Variants in GRK4 observed in about 807,000 individuals in gnomAD.
The protein encoded by GRK4 is G protein-coupled receptor kinase 2-like.
In GRK4, 73 loss-of-function variants were observed where a neutral mutation model predicts 77.9. The ratio of observed to expected loss-of-function variants is 0.94; its 90% CI spans 0.78 to 1.14. The LOEUF (loss-of-function observed/expected upper bound fraction) is 1.14, where lower values mean the gene tolerates loss of function less well. GRK4 is among the 50% of genes most tolerant of loss of function. The probability of loss-of-function intolerance (pLI) is 0.00; values close to 1 mark genes in which losing one functional copy is unlikely to be tolerated. For missense variants in GRK4, 729 were observed against 700.2 expected (o/e 1.04, Z -0.46); for synonymous variants, 257 against 254.4 (o/e 1.01, Z -0.10).
At chr4:3,011,283 A>G (rs1732838016) in intron 7 of GRK4, among the ~76,000 whole-genome samples, 1 of 152,144 alleles carries the variant, frequency 6.6e-6, no homozygotes, top group Non-Finnish European at 1.5e-5. Flanking sequence ...AATTTTAGCT[A>G]TTGTGAAAGA....
intron 1 of GRK4, among the ~76,000 whole-genome samples, chr4:2,981,018 C>T (rs373943034): frequency 7.9e-5 from 12 of 152,374 alleles, no homozygotes; most frequent in South Asian, 4.1e-4. Flanking sequence ...CAGGCACAGG[C>T]GCTGGTTACC....
chr4:3,005,694 C>T (rs903237206), intron 5 of GRK4, among the ~76,000 whole-genome samples: 3 of 152,052 alleles, frequency 2.0e-5, no homozygotes, highest in African/African-American at 7.2e-5. Context: ...ATCCCAGCTA[C>T]TCAGGAGGCT....
At chr4:3,001,059 A>G (rs1729412033) in intron 4 of GRK4, among the ~76,000 whole-genome samples, 1 of 146,454 alleles carries the variant, frequency 6.8e-6, no homozygotes, top group Non-Finnish European at 1.5e-5. Context: ...TGGTGGTTGT[A>G]GGGCTAAATG....
intron 4 of GRK4, among the ~76,000 whole-genome samples, chr4:2,994,684 G>T (rs899768011): frequency 3.3e-5 from 5 of 152,164 alleles, no homozygotes; most frequent in African/African-American, 7.2e-5. Context: ...TGTGGAAGAG[G>T]AGGGAAGGGG....
At chr4:3,006,305 A>G (rs1158692309) in intron 5 of GRK4, among the ~76,000 whole-genome samples, 1 of 150,604 alleles carries the variant, frequency 6.6e-6, no homozygotes, top group Non-Finnish European at 1.5e-5. Context: ...GCCTGAACCC[A>G]GGAGGTGGAG....
intron 7 of GRK4, among the ~76,000 whole-genome samples, chr4:3,010,546 G>C (rs1284690379): frequency 1.3e-5 from 2 of 152,102 alleles, no homozygotes; most frequent in African/African-American, 4.8e-5. Context: ...GTTTAAATAT[G>C]ATGGGTCTCC....
Position 2,988,730 on chromosome 4 carries a change from A to G in GRK4, c.152A>G (p.Lys51Arg), listed in dbSNP as rs774435006. 2 of 1,582,244 alleles carry G rather than the reference A, an allele frequency of 1.3e-6. No homozygotes were observed. Among genetic ancestry groups the G allele is most frequent in the Admixed American group, 1.7e-5 (1 of 59,968 alleles). Residue 51 changes from lysine (K) to arginine (R), a missense_variant, in exon 3 of 16, where the codon AAG (lysine) becomes AGG (arginine). Transcript: ENST00000398052. The part of the protein sequence containing the change: ...QCSELRHSIE[K>R]DYSSLCDKQP... ...CTTATCCCTTTGCTTCACCCAGAAA[A>G]GGATTATAGCAGTCTTTGTGACAAG...
At chr4:3,027,803 C>A in intron 10 of GRK4, 109 bp from the exon 11 acceptor site, 1 of 806,978 alleles carries the variant, frequency 1.2e-6, no homozygotes. Flanking sequence ...GTATGAAATG[C>A]TATTATTTCC....
At chr4:2,965,360 A>G (rs770021989) in intron 1 of GRK4, 2 of 703,006 alleles carry the variant, frequency 2.8e-6, no homozygotes, top group South Asian at 3.0e-5. Context: ...GCGTCTCAAG[A>G]GAGCTGGCGA....
At chr4:3,037,331 TG>T (rs1560513246) in intron 13 of GRK4, 42 bp from the exon 14 acceptor site, 1 of 1,540,376 alleles carries the variant, frequency 6.5e-7, no homozygotes, top group Admixed American at 1.7e-5. Flanking sequence ...AGCTGAGAAT[TG>T]CTGTAGTCAT....
At chr4:3,039,061 C>T (rs951844554) in intron 15 of GRK4, among the ~76,000 whole-genome samples, 1 of 151,914 alleles carries the variant, frequency 6.6e-6, no homozygotes. Flanking sequence ...ACTAAAAATA[C>T]AAAACTTAGC....
chr4:2,981,619 G>A (rs1722894987), intron 1 of GRK4, among the ~76,000 whole-genome samples: 1 of 152,220 alleles, frequency 6.6e-6, no homozygotes, highest in East Asian at 1.9e-4. Context: ...CTGAGTCTGG[G>A]GTTTTTATAA....
chr4:3,036,366 C>T (rs1740642157), intron 13 of GRK4, among the ~76,000 whole-genome samples: 1 of 152,234 alleles, frequency 6.6e-6, no homozygotes, highest in Admixed American at 6.5e-5. Flanking sequence ...GGTCCACTTC[C>T]GCCTCCCCAC....
intron 6 of GRK4, among the ~76,000 whole-genome samples, chr4:3,009,096 T>C (rs1290694379): frequency 6.6e-6 from 1 of 152,176 alleles, no homozygotes; most frequent in African/African-American, 2.4e-5. Flanking sequence ...ATAATTAGAC[T>C]GTTCTGCCTT....
At chr4:3,031,524 G>A (rs1365778975) in intron 12 of GRK4, among the ~76,000 whole-genome samples, 4 of 152,174 alleles carry the variant, frequency 2.6e-5, no homozygotes, top group Non-Finnish European at 4.4e-5. Flanking sequence ...GAGAGAGGCC[G>A]GGGAGCTGGG....
chr4:3,013,719 A>G lies in GRK4; in HGVS notation c.632A>G (p.Lys211Arg). 3 of 1,613,510 alleles carry G rather than the reference A, an allele frequency of 1.9e-6. No individual in the cohort carries two copies. Among genetic ancestry groups the G allele is most frequent in the Non-Finnish European group, 1.7e-6 (2 of 1,179,806 alleles). ...GCCTGTCAAGTGCGAGCCACAGGAAAAATGTATGCCTGCAAAAAGCTACAA... is the reference window on the plus strand; with the variant it reads ...GCCTGTCAAGTGCGAGCCACAGGAAGAATGTATGCCTGCAAAAAGCTACAA... The part of the protein sequence containing the change: ...VCACQVRATG[K>R]MYACKKLQKK... The change falls in exon 8 of 16, where the codon AAA (lysine) becomes AGA (arginine). Residue 211 changes from lysine (K) to arginine (R), a missense_variant. Physicochemically the swap from Lys to Arg is conservative, Grantham distance 26. Transcript: ENST00000398052.
intron 2 of GRK4, chr4:2,985,656 A>G (rs1244075116): frequency 1.4e-5 from 3 of 207,680 alleles, no homozygotes; most frequent in South Asian, 1.0e-4. Context: ...ATACTCTGCA[A>G]CTGTAAAGAA....
chr4:3,004,377 A>T, intron 5 of GRK4, 43 bp downstream of exon 5: 2 of 1,226,212 alleles, frequency 1.6e-6, no homozygotes, highest in Non-Finnish European at 2.4e-6. Context: ...ATCTATGACT[A>T]ACCCCAAAAC....
chr4:3,000,111 C>T (rs1163951610), intron 4 of GRK4, among the ~76,000 whole-genome samples: 1 of 152,012 alleles, frequency 6.6e-6, no homozygotes, highest in Non-Finnish European at 1.5e-5. Flanking sequence ...GTAAATTTGC[C>T]CTGGTAACTA....
Sources: allele counts gnomAD v4.1 joint callset (sites outside exome capture counted in the v4.1 genomes callset), GRCh38; gene constraint gnomAD v4.1.1; transcripts MANE v1.5; gene names NCBI Gene and HGNC (gene_info 2026-07-23, HGNC 2026-07-21).